IBTK: variants seen among roughly 807,000 people sequenced by gnomAD.
IBTK encodes the protein inhibitor of Bruton tyrosine kinase.
Under a neutral mutation model 154.9 loss-of-function variants are expected in IBTK, and 83 were observed. The observed-to-expected ratio is 0.54, with a 90% confidence interval of 0.45 to 0.64. IBTK has a LOEUF of 0.64. Ranked by LOEUF, IBTK falls within the 30% of genes least tolerant of loss-of-function variation. The probability of loss-of-function intolerance (pLI) is 0.00; values close to 1 mark genes in which losing one functional copy is unlikely to be tolerated. For synonymous variants in IBTK, 515 were observed against 536.1 expected (o/e 0.96, Z 0.54); for missense variants, 1,332 against 1,584.6 (o/e 0.84, Z 2.71).
intron 4 of IBTK, among the ~76,000 whole-genome samples, chr6:82,230,179 T>C (rs1033354858): frequency 2.0e-5 from 3 of 152,190 alleles, no homozygotes; most frequent in Non-Finnish European, 2.9e-5. Context: ...TTGTTATGTA[T>C]GTCATATATA....
chr6:82,215,964 T>C (rs920255342), intron 11 of IBTK, 112 bp downstream of exon 11: 16 of 699,056 alleles, frequency 2.3e-5, no homozygotes, highest in Non-Finnish European at 3.9e-5. Context: ...CTAAGGTCTC[T>C]ATAGGTCTTG....
At chr6:82,223,970 C>A in intron 7 of IBTK, 98 bp downstream of exon 7, 1 of 745,702 alleles carries the variant, frequency 1.3e-6, no homozygotes, top group South Asian at 1.8e-5. Flanking sequence ...CAAAAAATCA[C>A]TCATAATCTC....
At position 82,223,530 on chromosome 6, in the gene IBTK, A is replaced by C; in HGVS notation, c.1034T>G (p.Val345Gly). 1 of 1,614,060 alleles carries C rather than the reference A, an allele frequency of 6.2e-7. No individual in the cohort carries two copies. Among genetic ancestry groups the C allele is most frequent in the Non-Finnish European group, 8.5e-7 (1 of 1,179,862 alleles). ...LHHKDIALSLVAASDGATVCV... is the reference protein window; with the variant it reads ...LHHKDIALSLGAASDGATVCV... ...GACTGTAGCTCCATCACTTGCAGCA[A>C]CCAAAGACAGAGCAATGTCTTTATG... Residue 345 changes from valine (V) to glycine (G), a missense_variant, in exon 8 of 29, where the codon GTT becomes GGT. Around this residue, in one of 3 missense-constraint regions of IBTK, gnomAD observed 1,134 missense variants for 1,274.7 expected, o/e 0.89. Transcript: ENST00000306270.
chr6:82,186,890 T>C lies in IBTK; in HGVS notation c.3575+4183A>G, dbSNP rs534241042. ...AAAATAAATGTATAACAAATATCAC[T>C]TGTATTTGATAATTATCAAATTCTT... is the stretch of plus-strand genomic sequence containing the variant. On this transcript the variant is annotated intron_variant, in intron 25 of 28. Coordinates refer to ENST00000306270, the MANE Select transcript of IBTK (RefSeq NM_015525.4). Among the ~76,000 whole-genome samples the C allele has an allele frequency of 1.6e-4, 24 of 151,732 alleles. No homozygotes were observed. The South Asian group carries it at 4.0e-3, about 25-fold the overall frequency.
At chr6:82,232,564 T>C (rs1056023623) in intron 3 of IBTK, among the ~76,000 whole-genome samples, 12 of 152,178 alleles carry the variant, frequency 7.9e-5, no homozygotes, top group African/African-American at 2.9e-4. Context: ...AGGGTAGAAA[T>C]AGAAATACAG....
chr6:82,190,686 A>C (rs1034713193), intron 25 of IBTK, among the ~76,000 whole-genome samples: 2 of 152,020 alleles, frequency 1.3e-5, no homozygotes, highest in Non-Finnish European at 2.9e-5. Flanking sequence ...AGTATAAATA[A>C]AGTTTTCTTT....
intron 9 of IBTK, among the ~76,000 whole-genome samples, chr6:82,218,508 C>A (rs982163164): frequency 6.6e-6 from 1 of 152,112 alleles, no homozygotes; most frequent in African/African-American, 2.4e-5. Context: ...TATCTCTTTA[C>A]AAGAAGAATG....
At chr6:82,192,316 A>C (rs1441694844) in intron 23 of IBTK, among the ~76,000 whole-genome samples, 1 of 152,184 alleles carries the variant, frequency 6.6e-6, no homozygotes, top group Admixed American at 6.5e-5. Context: ...TTCTATTTTT[A>C]ACAAACAAAA....
At position 82,211,493 on chromosome 6, in the gene IBTK, G is replaced by A; in HGVS notation, c.2371C>T (p.Leu791Phe). 1.2e-6 allele frequency: 2 copies of A among 1,612,366 alleles called. No homozygotes were observed. Among genetic ancestry groups the A allele is most frequent in the Non-Finnish European group, 1.7e-6 (2 of 1,178,534 alleles). Residue 791 changes from leucine (L) to phenylalanine (F), a missense_variant, in exon 14 of 29, where the codon CTT becomes TTT. Coordinates refer to ENST00000306270, the MANE Select transcript of IBTK (RefSeq NM_015525.4). ...CAGCTTTAAAAAGTGCACCTACCAA[G>A]TCTAGCACAAAGAACACATTTATGA... ...PCHKCVLCAR[L>F]EYFHSMLSSS...
At chr6:82,236,978 A>G (rs1018535681) in intron 2 of IBTK, among the ~76,000 whole-genome samples, 2 of 152,236 alleles carry the variant, frequency 1.3e-5, no homozygotes. Flanking sequence ...TCTGATGCCA[A>G]TAAGACAGTC....
intron 22 of IBTK, among the ~76,000 whole-genome samples, chr6:82,195,336 G>C (rs1768941362): frequency 6.6e-6 from 1 of 152,108 alleles, no homozygotes; most frequent in African/African-American, 2.4e-5. Flanking sequence ...AGGACTCTAG[G>C]AGGCTGAAGT....
At chr6:82,214,118 G>A (rs893667523) in intron 12 of IBTK, 109 bp downstream of exon 12, 15 of 1,090,520 alleles carry the variant, frequency 1.4e-5, no homozygotes, top group South Asian at 1.7e-5. Flanking sequence ...ACCACACCCG[G>A]CTAATTTTTT....
At chr6:82,243,291 G>A (rs76166800) in intron 1 of IBTK, among the ~76,000 whole-genome samples, 205 of 151,142 alleles carry the variant, frequency 1.4e-3, no homozygotes, top group Middle Eastern at 0.01. Flanking sequence ...GGTACCAATC[G>A]TCAAGTACTT....
intron 19 of IBTK, 45 bp from the exon 20 acceptor site, chr6:82,200,753 G>GTTTTGTTTTTTT: frequency 2.5e-6 from 1 of 392,562 alleles, no homozygotes; most frequent in Non-Finnish European, 3.5e-6. Context: ...AATCTGTGAA[G>GTTTTGTTTTTTT]TTTTTTTTTT....
intron 9 of IBTK, among the ~76,000 whole-genome samples, chr6:82,219,281 T>C (rs1295499513): frequency 6.6e-6 from 1 of 152,194 alleles, no homozygotes; most frequent in Non-Finnish European, 1.5e-5. Context: ...AGCTCTAATA[T>C]TTAAACCTAG....
At chr6:82,188,944 C>T (rs1190075267) in intron 25 of IBTK, 7 of 381,370 alleles carry the variant, frequency 1.8e-5, no homozygotes, top group African/African-American at 6.6e-5. Flanking sequence ...ACAGAAGAAT[C>T]GCTTGAACCT....
chr6:82,239,820 T>C (rs958344396), intron 2 of IBTK, among the ~76,000 whole-genome samples: 3 of 150,380 alleles, frequency 2.0e-5, no homozygotes, highest in African/African-American at 7.4e-5. Context: ...TGCAAATAAA[T>C]TGTGCTTACT....
chr6:82,176,642 G>A (rs750858370), intron 26 of IBTK, among the ~76,000 whole-genome samples: 15 of 151,304 alleles, frequency 9.9e-5, no homozygotes, highest in Non-Finnish European at 2.1e-4. Flanking sequence ...GAATACCTAA[G>A]TAACAATAAA....
chr6:82,175,728 C>T (rs1341696486), intron 26 of IBTK, among the ~76,000 whole-genome samples: 4 of 152,096 alleles, frequency 2.6e-5, no homozygotes, highest in African/African-American at 4.8e-5. Context: ...CTGAAATTTT[C>T]CTTAAAAGAT....
Sources: gnomAD v4.1 joint callset for allele counts (sites outside exome capture counted in the v4.1 genomes callset) on GRCh38, gnomAD v4.1.1 for gene constraint, gnomAD v4.1.1 regional missense constraint, MANE v1.5 for transcripts, NCBI Gene and HGNC (gene_info 2026-07-23, HGNC 2026-07-21) for gene names.